GRIN2A: variants seen among roughly 807,000 people sequenced by gnomAD.
The protein encoded by GRIN2A is glutamate ionotropic receptor NMDA type subunit 2A, also known as glutamate receptor ionotropic, NMDA 2A.
In GRIN2A, 22 loss-of-function variants were observed where a neutral mutation model predicts 113.4. The ratio of observed to expected loss-of-function variants is 0.19; its 90% CI spans 0.14 to 0.28. The LOEUF is 0.28. GRIN2A is among the 10% of genes least tolerant of loss of function. The probability of loss-of-function intolerance (pLI) is 1.00; values close to 1 mark genes in which losing one functional copy is unlikely to be tolerated. For synonymous variants in GRIN2A, 827 were observed against 738.4 expected, an observed-to-expected ratio of 1.12 and a Z score of -1.94; for missense variants, 1,502 against 1,887.0, an observed-to-expected ratio of 0.80 and a Z score of 3.78.
chr16:9,789,584 ACAC>A (rs1567298577), intron 11 of GRIN2A, among the ~76,000 whole-genome samples: 8 of 151,642 alleles, frequency 5.3e-5, no homozygotes, highest in African/African-American at 1.9e-4. Flanking sequence ...ACACACACAC[ACAC>A]ACAAACACAT....
At chr16:10,063,948 C>G (rs1036444409) in intron 2 of GRIN2A, among the ~76,000 whole-genome samples, 3 of 152,146 alleles carry the variant, frequency 2.0e-5, no homozygotes, top group African/African-American at 7.2e-5. Context: ...CTCCTGGAAG[C>G]CTTTCCTAAT....
At chr16:9,791,893 TG>T (rs1902627531) in intron 11 of GRIN2A, among the ~76,000 whole-genome samples, 1 of 152,124 alleles carries the variant, frequency 6.6e-6, no homozygotes, top group East Asian at 1.9e-4. Flanking sequence ...CTCCAAGATC[TG>T]TGAGCATCAT....
intron 11 of GRIN2A, among the ~76,000 whole-genome samples, chr16:9,797,541 G>T (rs1303381333): frequency 6.6e-6 from 1 of 152,166 alleles, no homozygotes; most frequent in African/African-American, 2.4e-5. Context: ...AATAGAGATT[G>T]CCTTTCCTTC....
intron 2 of GRIN2A, among the ~76,000 whole-genome samples, chr16:9,961,704 A>G (rs2141705246): frequency 6.6e-6 from 1 of 152,354 alleles, no homozygotes; most frequent in East Asian, 1.9e-4. Flanking sequence ...CATACTGCCC[A>G]AGGTAATTTA....
chr16:10,097,788 CA>C (rs1429916630), intron 2 of GRIN2A, among the ~76,000 whole-genome samples: 2 of 152,158 alleles, frequency 1.3e-5, no homozygotes, highest in African/African-American at 2.4e-5. Context: ...AAGCAAAAAT[CA>C]ACTCAAGGTG....
intron 2 of GRIN2A, among the ~76,000 whole-genome samples, chr16:10,089,792 C>T (rs73512705): frequency 0.02 from 2,977 of 152,274 alleles, 93 homozygotes; most frequent in African/African-American, 0.068. Context: ...TCCATCATCT[C>T]TCAAAAATTT....
chr16:9,958,882 G>C (rs1230226785), intron 2 of GRIN2A, among the ~76,000 whole-genome samples: 1 of 152,260 alleles, frequency 6.6e-6, no homozygotes, highest in Non-Finnish European at 1.5e-5. Flanking sequence ...CCCTTGTGCT[G>C]GCTGTACAGA....
intron 2 of GRIN2A, among the ~76,000 whole-genome samples, chr16:9,975,994 C>G (rs2045767536): frequency 6.6e-6 from 1 of 152,046 alleles, no homozygotes; most frequent in Non-Finnish European, 1.5e-5. Flanking sequence ...AATAACAGAA[C>G]CCCCAAAAAT....
chr16:9,834,718 T>C (rs2042558560), intron 7 of GRIN2A, among the ~76,000 whole-genome samples: 1 of 152,236 alleles, frequency 6.6e-6, no homozygotes, highest in Middle Eastern at 3.2e-3. Flanking sequence ...TAAATCATTC[T>C]TTATTCTACA....
At chr16:9,823,411 A>T (rs543586168) in intron 9 of GRIN2A, among the ~76,000 whole-genome samples, 1 of 152,346 alleles carries the variant, frequency 6.6e-6, no homozygotes, top group African/African-American at 2.4e-5. Flanking sequence ...GGGGGCCACC[A>T]TGAAGATCTC....
intron 4 of GRIN2A, among the ~76,000 whole-genome samples, chr16:9,873,000 G>A (rs1283306326): frequency 6.6e-6 from 1 of 152,144 alleles, no homozygotes; most frequent in African/African-American, 2.4e-5. Context: ...AGCCATGATT[G>A]CACCACTATT....
intron 11 of GRIN2A, among the ~76,000 whole-genome samples, chr16:9,789,432 A>G (rs1302280467): frequency 2.0e-5 from 3 of 152,130 alleles, no homozygotes; most frequent in Non-Finnish European, 4.4e-5. Flanking sequence ...TCTGGTGGAC[A>G]TGGAAGAACC....
At chr16:9,911,757 T>C (rs1178253333) in intron 3 of GRIN2A, among the ~76,000 whole-genome samples, 3 of 152,174 alleles carry the variant, frequency 2.0e-5, no homozygotes, top group African/African-American at 7.2e-5. Context: ...GATTATAATG[T>C]CTAGAAAATT....
intron 2 of GRIN2A, among the ~76,000 whole-genome samples, chr16:10,047,149 G>A (rs769335463): frequency 6.6e-5 from 10 of 152,168 alleles, no homozygotes; most frequent in Non-Finnish European, 1.0e-4. Flanking sequence ...GTACACCCTG[G>A]TGACATACAG....
intron 9 of GRIN2A, among the ~76,000 whole-genome samples, chr16:9,828,638 A>G (rs1003434524): frequency 5.3e-5 from 8 of 152,174 alleles, no homozygotes; most frequent in African/African-American, 1.9e-4. Flanking sequence ...CAATAGGAGG[A>G]TGCACCCAGT....
At chr16:10,059,705 C>T (rs2047516884) in intron 2 of GRIN2A, among the ~76,000 whole-genome samples, 1 of 134,280 alleles carries the variant, frequency 7.4e-6, no homozygotes, top group African/African-American at 2.8e-5. Flanking sequence ...GAAATAAAAT[C>T]ACACCATCGT....
chr16:10,010,410 C>T (rs2046483982), intron 2 of GRIN2A, among the ~76,000 whole-genome samples: 1 of 152,120 alleles, frequency 6.6e-6, no homozygotes, highest in Non-Finnish European at 1.5e-5. Flanking sequence ...TTACTACAAA[C>T]CCTTGGGATA....
chr16:10,040,893 A>T (rs1478928630), intron 2 of GRIN2A, among the ~76,000 whole-genome samples: 1 of 152,238 alleles, frequency 6.6e-6, no homozygotes, highest in Non-Finnish European at 1.5e-5. Context: ...ATGCTCTGCG[A>T]AAGCGGCCCC....
intron 2 of GRIN2A, among the ~76,000 whole-genome samples, chr16:10,063,784 G>T (rs568273453): frequency 6.6e-6 from 1 of 152,080 alleles, no homozygotes; most frequent in South Asian, 2.1e-4. Flanking sequence ...TAATAAAAAA[G>T]AACACTAGGT....
Sources: gnomAD v4.1 joint callset for allele counts (sites outside exome capture counted in the v4.1 genomes callset) on GRCh38, gnomAD v4.1.1 for gene constraint, MANE v1.5 for transcripts, NCBI Gene and HGNC (gene_info 2026-07-23, HGNC 2026-07-21) for gene names.